The following AKAP9 variants were observed in gnomAD, a reference collection of about 807,000 sequenced individuals.
AKAP9 encodes A-kinase anchor protein 9.
AKAP9 carries 311 observed loss-of-function variants against 488.5 expected under a neutral mutation model. The observed-to-expected ratio is 0.64, with a 90% CI of 0.58 to 0.70. The LOEUF (loss-of-function observed/expected upper bound fraction) is 0.70, where lower values mean the gene tolerates loss of function less well. AKAP9 is among the 30% of genes least tolerant of loss of function. AKAP9 has a pLI of 0.00. For missense variants in AKAP9, 4,215 were observed against 4,374.5 expected, an observed-to-expected ratio of 0.96 and a Z score of 1.03; for synonymous variants, 1,462 against 1,483.5, an observed-to-expected ratio of 0.99 and a Z score of 0.33.
Position 92,096,723 on chromosome 7 carries a change from G to C in AKAP9, c.9764G>C (p.Arg3255Thr), listed in dbSNP as rs745817822. 4.3e-6 allele frequency: 7 copies of C among 1,614,102 alleles called. No homozygotes were observed. In the South Asian group the frequency reaches 7.7e-5, roughly 18 times the overall value. The change falls in exon 41 of 50, where the codon AGG becomes ACG. Residue 3255 changes from arginine (R) to threonine (T), a missense_variant. Arg to Thr is a moderately conservative substitution (Grantham distance 71). Transcript: ENST00000356239. ...LKFSLESQKQRNLQLNLLLEQ... is the reference protein window; with the variant it reads ...LKFSLESQKQTNLQLNLLLEQ... Reference sequence around the variant, plus strand: ...TTTTCACTTGAGAGTCAGAAACAAAGGAATCTTCAGCTAAATCTACTTTTG... The same window carrying C: ...TTTTCACTTGAGAGTCAGAAACAAACGAATCTTCAGCTAAATCTACTTTTG...
At chr7:92,063,424 T>C (rs962426584) in intron 24 of AKAP9, 5 of 948,862 alleles carry the variant, frequency 5.3e-6, no homozygotes, top group South Asian at 5.0e-5. Flanking sequence ...ATTATACTTT[T>C]GTTGTGTCTT....
intron 7 of AKAP9, among the ~76,000 whole-genome samples, chr7:91,999,569 A>T (rs1798874833): frequency 6.6e-6 from 1 of 152,202 alleles, no homozygotes; most frequent in African/African-American, 2.4e-5. Context: ...AATAATTAGA[A>T]AGTTATTTAG....
chr7:92,063,982 A>G (rs1810348635), intron 24 of AKAP9, among the ~76,000 whole-genome samples: 1 of 152,080 alleles, frequency 6.6e-6, no homozygotes, highest in South Asian at 2.1e-4. Context: ...GGGTTTCACC[A>G]TGTTGGCCAG....
At chr7:92,022,154 T>C in intron 12 of AKAP9, 84 bp from the exon 13 acceptor site, 2 of 1,088,494 alleles carry the variant, frequency 1.8e-6, no homozygotes, top group Non-Finnish European at 2.8e-6. Context: ...AAAAGCATCT[T>C]AAATGCAGAG....
intron 12 of AKAP9, among the ~76,000 whole-genome samples, chr7:92,017,457 C>T (rs572151442): frequency 6.6e-6 from 1 of 152,128 alleles, no homozygotes; most frequent in Non-Finnish European, 1.5e-5. Context: ...TAGCATATAG[C>T]TAATTAGTTT....
chr7:91,972,783 G>C (rs1795250621), intron 1 of AKAP9, among the ~76,000 whole-genome samples: 5 of 152,082 alleles, frequency 3.3e-5, no homozygotes, highest in Admixed American at 3.3e-4. Flanking sequence ...AAACTACATT[G>C]GTTAAAACAT....
At chr7:92,058,366 T>C (rs1404824312) in intron 22 of AKAP9, 1 of 565,156 alleles carries the variant, frequency 1.8e-6, no homozygotes, top group South Asian at 1.4e-5. Context: ...GAAACGGGCA[T>C]ATATTAAAGC....
intron 1 of AKAP9, 164 bp from the exon 2 acceptor site, chr7:91,973,547 A>G (rs1795329732): frequency 4.1e-6 from 3 of 736,476 alleles, no homozygotes; most frequent in African/African-American, 3.6e-5. Flanking sequence ...GTTTCTTTGC[A>G]TTCCAGTAGT....
At chr7:91,957,506 A>G (rs942436025) in intron 1 of AKAP9, among the ~76,000 whole-genome samples, 39 of 152,212 alleles carry the variant, frequency 2.6e-4, no homozygotes, top group African/African-American at 9.4e-4. Flanking sequence ...TCTAACCACT[A>G]TATGTATTTA....
chr7:92,097,808 G>C lies in AKAP9; in HGVS notation c.10607+14G>C, dbSNP rs1584547510. 2.5e-6 allele frequency: 4 copies of C among 1,612,932 alleles called. No homozygotes were observed. The highest frequency in any genetic ancestry group is 3.4e-6 in the Non-Finnish European group (4 of 1,178,956). The stretch of plus-strand genomic sequence containing the variant: ...AGCCTCTGAGAGGTTAGACTTTTCT[G>C]CCTGATCTTTGGGAAAGTAGTATTC... On this transcript the variant is annotated intron_variant, in intron 42 of 49. Transcript: ENST00000356239.
chr7:92,073,362 CG>C (rs1812044614), intron 28 of AKAP9, among the ~76,000 whole-genome samples: 1 of 150,768 alleles, frequency 6.6e-6, no homozygotes, highest in African/African-American at 2.4e-5. Context: ...AAAAATTAGC[CG>C]GGTGTGGTGG....
At chr7:91,982,918 T>C (rs1345705425) in intron 3 of AKAP9, among the ~76,000 whole-genome samples, 12 of 152,236 alleles carry the variant, frequency 7.9e-5, no homozygotes, top group African/African-American at 2.7e-4. Context: ...GTGGTTTTGA[T>C]TTGCATTTCT....
At chr7:92,063,303 T>A (rs1157714609) in intron 24 of AKAP9, among the ~76,000 whole-genome samples, 1 of 152,328 alleles carries the variant, frequency 6.6e-6, no homozygotes, top group South Asian at 2.1e-4. Flanking sequence ...ATTCAAGAAA[T>A]ACTGGAACTT....
At chr7:92,091,696 GATAAACAT>G (rs964432483) in intron 38 of AKAP9, among the ~76,000 whole-genome samples, 1 of 150,980 alleles carries the variant, frequency 6.6e-6, no homozygotes, top group African/African-American at 2.4e-5. Flanking sequence ...GTCATAATGA[GATAAACAT>G]ATCACTTTAA....
chr7:91,980,495 C>CTTTTTTTTTTTTGTTTTT (rs1796260471), intron 3 of AKAP9, among the ~76,000 whole-genome samples, 162 bp downstream of exon 3: 1 of 48,756 alleles, frequency 2.1e-5, no homozygotes, highest in Non-Finnish European at 3.3e-5. Context: ...GTATTACTGA[C>CTTTTTTTTTTTTGTTTTT]TTTTTTTTTT....
At chr7:92,071,819 A>G (rs1811778973) in intron 28 of AKAP9, among the ~76,000 whole-genome samples, 1 of 152,216 alleles carries the variant, frequency 6.6e-6, no homozygotes, top group Non-Finnish European at 1.5e-5. Context: ...AGCTAAAACT[A>G]TAGTTCAGAA....
At chr7:92,038,804 A>G in intron 17 of AKAP9, 32 bp downstream of exon 17, 1 of 1,459,264 alleles carries the variant, frequency 6.9e-7, no homozygotes, top group South Asian at 1.2e-5. Context: ...TAAAAAACTT[A>G]TTTAAAAATT....
intron 1 of AKAP9, 45 bp downstream of exon 1, chr7:91,941,192 C>A (rs767478980): frequency 2.8e-5 from 45 of 1,587,434 alleles, no homozygotes; most frequent in Non-Finnish European, 3.8e-5. Flanking sequence ...GAGGCGGTGG[C>A]TAGCACGGGG....
intron 1 of AKAP9, among the ~76,000 whole-genome samples, chr7:91,947,068 G>C (rs1442332279): frequency 6.6e-6 from 1 of 152,008 alleles, no homozygotes; most frequent in Non-Finnish European, 1.5e-5. Context: ...GTCACTTTAT[G>C]TAATTGCTTA....
Sources: allele counts gnomAD v4.1 joint callset (sites outside exome capture counted in the v4.1 genomes callset), GRCh38; gene constraint gnomAD v4.1.1; transcripts MANE v1.5; gene names NCBI Gene and HGNC (gene_info 2026-07-23, HGNC 2026-07-21).